Variants in OSTN observed in about 807,000 individuals in gnomAD.
OSTN encodes osteocrin.
A neutral mutation model predicts 12.0 loss-of-function variants in OSTN; 9 were observed. The observed-to-expected ratio is 0.75, with a 90% CI of 0.45 to 1.30. The LOEUF is 1.30. Among genes scored for constraint, OSTN ranks in the 50% most tolerant of loss-of-function variants. The pLI is 0.00. For missense variants in OSTN, 148 were observed against 152.3 expected, an observed-to-expected ratio of 0.97 and a Z score of 0.15; for synonymous variants, 59 against 56.9, an observed-to-expected ratio of 1.04 and a Z score of -0.16.
intron 1 of OSTN, among the ~76,000 whole-genome samples, chr3:191,204,054 AT>A (rs1714214409): frequency 6.6e-6 from 1 of 152,014 alleles, no homozygotes; most frequent in Admixed American, 6.6e-5. Flanking sequence ...CGCCTGGCTA[AT>A]TTTTTTGTAT....
In OSTN at chr3:191,264,297, C is replaced by A. The variant is rs1352559747; in HGVS notation, c.*1444C>A. 3 of 151,868 alleles carry A rather than the reference C, an allele frequency of 2.0e-5. No homozygotes were observed. The highest frequency in any genetic ancestry group is 2.0e-4 in the Admixed American group (3 of 15,242). 9.4% of individuals were successfully genotyped at this position (151,868 alleles called of 1,614,324 possible). ...CTAAGAAATTGACCTTTATGAAGGA[C>A]TAATTTTTCAGTTATCCAATGTGCT... On this transcript the variant is annotated 3_prime_UTR_variant, in exon 5 of 5. Transcript: ENST00000682035.
Position 191,218,893 on chromosome 3 carries a change from T to C in OSTN, c.249T>C (p.Ser83=), listed in dbSNP as rs928314962. Residue 83 remains serine (S), a synonymous_variant, in exon 3 of 5, where the codon AGT becomes AGC. Transcript: ENST00000682035. The part of the protein sequence containing the change: ...NDVIETKKKR[S]FSGFGSPLDR... ...TGATTGAGACAAAGAAGAAAAGGAG[T>C]TTCTCTGGTTTTGGGTCTCCCCTTG... The C allele has an allele frequency of 6.2e-7, 1 of 1,613,864 alleles. No individual in the cohort carries two copies. The highest frequency in any genetic ancestry group is 1.3e-5 in the African/African-American group (1 of 74,962).
intron 3 of OSTN, among the ~76,000 whole-genome samples, chr3:191,240,645 A>G (rs1041135696): frequency 3.3e-5 from 5 of 152,240 alleles, no homozygotes; most frequent in African/African-American, 1.2e-4. Flanking sequence ...TCAAGGTTAC[A>G]GTGAAAATGT....
chr3:191,259,200 GTT>G (rs34341899), intron 4 of OSTN, among the ~76,000 whole-genome samples: 2 of 147,270 alleles, frequency 1.4e-5, no homozygotes, highest in Admixed American at 6.7e-5. Flanking sequence ...AAAACAATCT[GTT>G]TTTTTTTTTT....
intron 3 of OSTN, among the ~76,000 whole-genome samples, chr3:191,246,803 T>A (rs1413685675): frequency 6.6e-6 from 1 of 151,546 alleles, no homozygotes; most frequent in Non-Finnish European, 1.5e-5. Context: ...CATTCCTTGA[T>A]TCATTATCTA....
Position 191,263,536 on chromosome 3 carries a change from CT to C in OSTN, c.*684del, listed in dbSNP as rs1715856455. ...TTCTGACAGTTAAGAGCAGTAGTGT[CT>C]CATTAGGAGGGGAGTAAGCTCACAC... On this transcript the variant is annotated 3_prime_UTR_variant, in exon 5 of 5. Coordinates refer to ENST00000682035, the MANE Select transcript of OSTN (RefSeq NM_198184.2). 1 of 152,126 alleles carries C rather than the reference CT, an allele frequency of 6.6e-6. No homozygotes were observed. Among genetic ancestry groups the C allele is most frequent in the Non-Finnish European group, 1.5e-5 (1 of 68,034 alleles). 9.4% of individuals were successfully genotyped at this position (152,126 alleles called of 1,614,324 possible).
intron 1 of OSTN, among the ~76,000 whole-genome samples, chr3:191,199,649 T>C (rs757785512): frequency 4.6e-5 from 7 of 152,090 alleles, no homozygotes; most frequent in African/African-American, 1.7e-4. Flanking sequence ...AAATGTTTAA[T>C]ATAAAAGAGT....
intron 2 of OSTN, among the ~76,000 whole-genome samples, chr3:191,213,580 C>T (rs1420076337): frequency 6.6e-6 from 1 of 151,814 alleles, no homozygotes; most frequent in Non-Finnish European, 1.5e-5. Flanking sequence ...TTTGTTCAAA[C>T]TTTTAATTAC....
intron 1 of OSTN, among the ~76,000 whole-genome samples, chr3:191,204,278 T>C (rs976671957): frequency 1.3e-5 from 2 of 152,148 alleles, no homozygotes; most frequent in Non-Finnish European, 2.9e-5. Context: ...ATAAAGTAAA[T>C]TCCCATTACA....
intron 3 of OSTN, among the ~76,000 whole-genome samples, chr3:191,226,322 T>A (rs986915391): frequency 6.6e-6 from 1 of 152,182 alleles, no homozygotes; most frequent in Non-Finnish European, 1.5e-5. Flanking sequence ...GAAGAGGTAT[T>A]TGACAAAATC....
chr3:191,212,806 A>C (rs997514966), intron 2 of OSTN, among the ~76,000 whole-genome samples, 172 bp downstream of exon 2: 4 of 147,352 alleles, frequency 2.7e-5, no homozygotes, highest in African/African-American at 9.8e-5. Context: ...TTATAAATAT[A>C]ATGTATATAT....
intron 4 of OSTN, among the ~76,000 whole-genome samples, chr3:191,256,438 A>C (rs1715672410): frequency 6.6e-6 from 1 of 152,170 alleles, no homozygotes. Context: ...ATCAAACATC[A>C]AAAGTTTAAA....
intron 4 of OSTN, among the ~76,000 whole-genome samples, chr3:191,251,792 G>A (rs550149055): frequency 6.6e-6 from 1 of 152,288 alleles, no homozygotes; most frequent in African/African-American, 2.4e-5. Flanking sequence ...GATATACCAA[G>A]TATGGTCACT....
intron 3 of OSTN, among the ~76,000 whole-genome samples, chr3:191,241,246 TC>T (rs1179127589): frequency 1.4e-5 from 2 of 138,524 alleles, no homozygotes; most frequent in East Asian, 4.8e-4. Context: ...TGGCGCGATC[TC>T]GGCTTACTGC....
chr3:191,242,190 T>G (rs910318638), intron 3 of OSTN, among the ~76,000 whole-genome samples: 3 of 152,148 alleles, frequency 2.0e-5, no homozygotes, highest in African/African-American at 7.2e-5. Context: ...AGTAAATTAA[T>G]AATAGAAGGA....
At chr3:191,233,042 C>T (rs1359122256) in intron 3 of OSTN, among the ~76,000 whole-genome samples, 1 of 151,448 alleles carries the variant, frequency 6.6e-6, no homozygotes, top group African/African-American at 2.4e-5. Flanking sequence ...CACCAGGGTA[C>T]AAAACATATT....
intron 1 of OSTN, among the ~76,000 whole-genome samples, chr3:191,205,251 G>A (rs1459600214): frequency 6.6e-6 from 1 of 152,056 alleles, no homozygotes; most frequent in African/African-American, 2.4e-5. Flanking sequence ...ATATTTTAGA[G>A]TCTTGTTCAA....
intron 3 of OSTN, among the ~76,000 whole-genome samples, chr3:191,238,564 C>T (rs990119884): frequency 2.6e-5 from 4 of 152,326 alleles, no homozygotes; most frequent in African/African-American, 9.6e-5. Context: ...TGTGGAATTA[C>T]AGCTATCAGT....
At chr3:191,241,474 G>C (rs1444220557) in intron 3 of OSTN, among the ~76,000 whole-genome samples, 4 of 151,936 alleles carry the variant, frequency 2.6e-5, no homozygotes, top group South Asian at 2.1e-4. Flanking sequence ...GTGAGCCAAC[G>C]CGCCTGGCCA....
Sources: gnomAD v4.1 joint callset for allele counts (sites outside exome capture counted in the v4.1 genomes callset) on GRCh38, gnomAD v4.1.1 for gene constraint, MANE v1.5 for transcripts, NCBI Gene and HGNC (gene_info 2026-07-23, HGNC 2026-07-21) for gene names.